The following EML5 variants were observed in gnomAD, a reference collection of about 807,000 sequenced individuals.
The protein encoded by EML5 is EMAP like 5.
EML5 carries 120 observed loss-of-function variants against 250.0 expected under a neutral mutation model. The observed-to-expected ratio is 0.48, with a 90% confidence interval of 0.41 to 0.56. EML5 has a LOEUF of 0.56. Ranked by LOEUF, EML5 falls within the 20% of genes least tolerant of loss-of-function variation. EML5 has a pLI of 0.00. For synonymous variants in EML5, 771 were observed against 806.5 expected (o/e 0.96, Z 0.75); for missense variants, 2,006 against 2,437.6 (o/e 0.82, Z 3.73).
Position 88,714,958 on chromosome 14 carries a change from T to C in EML5, c.1425A>G (p.Arg475=), listed in dbSNP as rs1214392298. Residue 475 remains arginine (R), a synonymous_variant, in exon 9 of 44, where the codon AGA becomes AGG. Coordinates refer to ENST00000554922, the MANE Select transcript of EML5 (RefSeq NM_183387.3). ...YLQTNDGNGK[R]LFYRMPGGKE... is the part of the protein sequence containing the mutation. ...TGTTACCTGGCATTCTATAAAAAAG[T>C]CTTTTCCCATTTCCATCATTTGTCT... 2 of 1,612,488 alleles carry C rather than the reference T, an allele frequency of 1.2e-6. No homozygotes were observed. The highest frequency in any genetic ancestry group is 1.3e-5 in the African/African-American group (1 of 74,834).
chr14:88,704,819 C>T (rs1318466833), intron 13 of EML5, 41 bp downstream of exon 13: 2 of 1,520,364 alleles, frequency 1.3e-6, no homozygotes, highest in Admixed American at 1.7e-5. Context: ...TAAGTGTGAA[C>T]CAAAATTCAA....
chr14:88,700,980 G>A (rs960774993), intron 14 of EML5, among the ~76,000 whole-genome samples: 35 of 151,840 alleles, frequency 2.3e-4, no homozygotes, highest in Admixed American at 1.3e-4. Flanking sequence ...TACTTTTACA[G>A]ATGCTGTAAT....
At chr14:88,641,682 T>C (rs951612319) in intron 31 of EML5, among the ~76,000 whole-genome samples, 14 of 152,210 alleles carry the variant, frequency 9.2e-5, no homozygotes, top group African/African-American at 3.1e-4. Flanking sequence ...CTCAAAATAA[T>C]GAAGCATTTA....
intron 21 of EML5, among the ~76,000 whole-genome samples, chr14:88,669,505 C>T (rs1442469890): frequency 1.3e-5 from 2 of 152,214 alleles, no homozygotes; most frequent in African/African-American, 4.8e-5. Flanking sequence ...AGGTCGGACC[C>T]TGACCATAAC....
At chr14:88,729,309 CATTA>C (rs1566713018) in intron 7 of EML5, among the ~76,000 whole-genome samples, 1 of 152,162 alleles carries the variant, frequency 6.6e-6, no homozygotes, top group African/African-American at 2.4e-5. Context: ...AATACTTCAA[CATTA>C]AATATGATAT....
chr14:88,792,208 G>T lies in EML5; in HGVS notation c.197+99C>A. On this transcript the variant is annotated intron_variant, in intron 1 of 43. Transcript: ENST00000554922. The surrounding 1 kb of genome is among the most constrained non-coding windows in gnomAD (Gnocchi z 6.9). The stretch of plus-strand genomic sequence containing the variant: ...AGCTGCGGATTCCCCTCGGGGTGAT[G>T]CTCCGTGCAGGAGCGGTCACGGCGT... 1 of 1,404,184 alleles carries T rather than the reference G, an allele frequency of 7.1e-7. No individual in the cohort carries two copies. Among genetic ancestry groups the T allele is most frequent in the Non-Finnish European group, 9.6e-7 (1 of 1,043,920 alleles). The allele number at this position is 1,404,184 out of a possible 1,614,324, so 87.0% of individuals were successfully genotyped here.
chr14:88,754,462 T>A (rs1264356495), intron 2 of EML5, 50 bp downstream of exon 2: 9 of 1,453,078 alleles, frequency 6.2e-6, no homozygotes, highest in Non-Finnish European at 8.3e-6. Flanking sequence ...TCATTTTCTA[T>A]AATATACCTT....
At chr14:88,618,879 A>G (rs2088274156) in intron 39 of EML5, 67 bp from the exon 40 acceptor site, 2 of 1,457,542 alleles carry the variant, frequency 1.4e-6, no homozygotes, top group African/African-American at 1.4e-5. Flanking sequence ...AAGATCAGTG[A>G]CTTTTCCTTT....
chr14:88,668,010 C>CT (rs1258345752), intron 21 of EML5, among the ~76,000 whole-genome samples: 4 of 152,152 alleles, frequency 2.6e-5, no homozygotes, highest in East Asian at 3.8e-4. Flanking sequence ...CTCTGGCAAG[C>CT]TTTTTCGCCA....
In EML5 at chr14:88,712,475, C is replaced by T. The variant is rs1375973522; in HGVS notation, c.1453G>A (p.Glu485Lys). 2.5e-6 allele frequency: 4 copies of T among 1,609,058 alleles called. 1 individual carries two copies. In the Admixed American group the frequency reaches 5.0e-5, roughly 20 times the overall value. ...TTTATTTCTTCTGTACTTGTCACTTCCTTTCCTCCTAAAAATAAATCAGAG... is the reference window on the plus strand; with the variant it reads ...TTTATTTCTTCTGTACTTGTCACTTTCTTTCCTCCTAAAAATAAATCAGAG... ...RLFYRMPGGK[E>K]VTSTEEIKGV... Residue 485 changes from glutamate (E) to lysine (K), a missense_variant, in exon 10 of 44, where the codon GAA becomes AAA. Glu to Lys is a moderately conservative substitution (Grantham distance 56). This residue lies in a region of EML5 where 1,375 missense variants were observed against 1,590.3 expected (regional missense o/e 0.86). Coordinates refer to ENST00000554922, the MANE Select transcript of EML5 (RefSeq NM_183387.3).
intron 1 of EML5, among the ~76,000 whole-genome samples, chr14:88,760,692 T>C (rs971869363): frequency 6.6e-6 from 1 of 152,188 alleles, no homozygotes; most frequent in Non-Finnish European, 1.5e-5. Flanking sequence ...ATATCCTATA[T>C]ATCTTGTTGG....
At chr14:88,618,410 C>T (rs2088130252) in intron 40 of EML5, 79 bp from the exon 41 acceptor site, 8 of 1,251,648 alleles carry the variant, frequency 6.4e-6, no homozygotes, top group African/African-American at 1.5e-5. Flanking sequence ...AGAATACTAG[C>T]ATATTGCTAC....
rs1871904345 is a variant in EML5, at chr14:88,744,979, C to CA, written c.457-889dup. Among the ~76,000 whole-genome samples the CA allele has an allele frequency of 7.9e-5, 12 of 152,078 alleles. No individual in the cohort carries two copies. In the South Asian group the frequency reaches 2.5e-3, roughly 31 times the overall value. ...AGATTATATGAAAAACATATCAATG[C>CA]AACTTTGAAATATTCAACCACAATA... On this transcript the variant is annotated intron_variant, in intron 3 of 43. Coordinates refer to ENST00000554922, the MANE Select transcript of EML5 (RefSeq NM_183387.3).
At chr14:88,738,507 C>T (rs181374587) in intron 6 of EML5, among the ~76,000 whole-genome samples, 21 of 151,808 alleles carry the variant, frequency 1.4e-4, no homozygotes, top group African/African-American at 4.8e-4. Context: ...AAAAGTTTCC[C>T]AACCCTCAAT....
At chr14:88,691,766 C>A (rs1013281828) in intron 17 of EML5, among the ~76,000 whole-genome samples, 20 of 152,162 alleles carry the variant, frequency 1.3e-4, no homozygotes, top group African/African-American at 4.3e-4. Context: ...TAAGTGGATA[C>A]TTATTTCCCA....
chr14:88,670,490 A>G (rs2092432032), intron 21 of EML5, among the ~76,000 whole-genome samples: 1 of 152,134 alleles, frequency 6.6e-6, no homozygotes, highest in Non-Finnish European at 1.5e-5. Context: ...TGCAAACTCA[A>G]AAAGCCAGAG....
At position 88,740,394 on chromosome 14, in the gene EML5, G is replaced by A. The variant is rs746806407; in HGVS notation, c.704C>T (p.Ala235Val). ...GINLIRTIQG[A>V]HAAGIFSMNA... is the part of the protein sequence containing the mutation. ...ATACTTAAATGTACTTACAGCATGG[G>A]CTCCTTGTATTGTTCGTATAAGATT... Residue 235 changes from alanine (A) to valine (V), a missense_variant, in exon 5 of 44, where the codon GCC (alanine) becomes GTC (valine). Transcript: ENST00000554922. The A allele has an allele frequency of 1.1e-5, 17 of 1,606,006 alleles. No individual in the cohort carries two copies. Among genetic ancestry groups the A allele is most frequent in the Non-Finnish European group, 1.4e-5 (16 of 1,176,640 alleles).
intron 2 of EML5, among the ~76,000 whole-genome samples, chr14:88,747,881 C>T (rs1180929037): frequency 6.6e-6 from 1 of 152,144 alleles, no homozygotes; most frequent in Non-Finnish European, 1.5e-5. Flanking sequence ...TGAACTTACC[C>T]TCCCCGACCC....
chr14:88,653,270 A>G lies in EML5; in HGVS notation c.4005-3344T>C, dbSNP rs189709541. 1.1e-3 allele frequency among the ~76,000 whole-genome samples: 165 copies of G among 152,242 alleles called. 2 individuals carry two copies. Among genetic ancestry groups the G allele is most frequent in the African/African-American group, 3.4e-3 (141 of 41,530 alleles). On this transcript the variant is annotated intron_variant, in intron 27 of 43. Coordinates refer to ENST00000554922, the MANE Select transcript of EML5 (RefSeq NM_183387.3). Reference sequence around the variant, plus strand: ...AGACAATTTGACTTCCTCTTTTCCTATTTGAATACCATTTATTTCTTTCTC... The same window carrying G: ...AGACAATTTGACTTCCTCTTTTCCTGTTTGAATACCATTTATTTCTTTCTC...
Sources: gnomAD v4.1 joint callset for allele counts (sites outside exome capture counted in the v4.1 genomes callset) on GRCh38, gnomAD v4.1.1 for gene constraint, gnomAD v4.1.1 regional missense constraint, Gnocchi (gnomAD v3.1) non-coding constraint, MANE v1.5 for transcripts, NCBI Gene and HGNC (gene_info 2026-07-23, HGNC 2026-07-21) for gene names.